The following SNX24 variants were observed in gnomAD, a reference collection of about 807,000 sequenced individuals.
SNX24 encodes the protein sorting nexin 24.
SNX24 carries 22 observed loss-of-function variants against 28.7 expected under a neutral mutation model. That is an observed-to-expected ratio of 0.77 (90% CI 0.55 to 1.10). SNX24 has a LOEUF of 1.10. Ranked by LOEUF, SNX24 falls within the 50% of genes least tolerant of loss-of-function variation. SNX24 has a pLI of 0.00. For synonymous variants in SNX24, 69 were observed against 71.5 expected (o/e 0.96, Z 0.18); for missense variants, 221 against 201.1 (o/e 1.10, Z -0.60).
intron 3 of SNX24, among the ~76,000 whole-genome samples, chr5:122,996,019 G>A (rs567860781): frequency 6.6e-6 from 1 of 152,238 alleles, no homozygotes; most frequent in Admixed American, 6.5e-5. Flanking sequence ...ACTGACTGCT[G>A]CATTTTAGAA....
intron 1 of SNX24, among the ~76,000 whole-genome samples, chr5:122,909,790 G>GC (rs1163869757): frequency 6.6e-6 from 1 of 152,164 alleles, no homozygotes; most frequent in Non-Finnish European, 1.5e-5. Context: ...TGCCCACTCA[G>GC]CCCCAGCTCA....
Position 123,007,904 on chromosome 5 carries a change from CA to C in SNX24, c.*156del, listed in dbSNP as rs1271825733. On this transcript the variant is annotated 3_prime_UTR_variant, in exon 7 of 7. Transcript: ENST00000261369. ...GCTTAATTCAGGGCAGGGACATTTC[CA>C]TTAGAATGGTGCTCTTAAAAATAGA... The C allele has an allele frequency of 4.4e-5, 63 of 1,438,296 alleles. No homozygotes were observed. In the South Asian group the frequency reaches 6.5e-4, roughly 15 times the overall value. The allele number at this position is 1,438,296 out of a possible 1,614,324, so 89.1% of individuals were successfully genotyped here. A position where few individuals can be genotyped will look rare whatever the true frequency, so the allele number is the denominator to read the frequency against.
rs554901525 is a variant in SNX24 at position 123,008,276 on chromosome 5, G to A, written c.*527G>A. The A allele has an allele frequency of 1.0e-6, 1 of 984,478 alleles. No homozygotes were observed. Among genetic ancestry groups the A allele is most frequent in the East Asian group, 1.1e-4 (1 of 8,820 alleles). 61.0% of individuals were successfully genotyped at this position (984,478 alleles called of 1,614,324 possible). ...TAAATGTGAAGATGGAACTAAACTGGAAATTAAATTATACTGACAATATTA... is the reference window on the plus strand; with the variant it reads ...TAAATGTGAAGATGGAACTAAACTGAAAATTAAATTATACTGACAATATTA... On this transcript the variant is annotated 3_prime_UTR_variant, in exon 7 of 7. Coordinates refer to ENST00000261369, the MANE Select transcript of SNX24 (RefSeq NM_014035.4).
chr5:122,988,233 G>A (rs1297983246), intron 3 of SNX24, among the ~76,000 whole-genome samples: 1 of 152,252 alleles, frequency 6.6e-6, no homozygotes, highest in Middle Eastern at 3.4e-3. Context: ...CTGAGCTTCT[G>A]CCCAGCCCCA....
At chr5:122,894,963 C>G (rs986439994) in intron 1 of SNX24, among the ~76,000 whole-genome samples, 5 of 149,062 alleles carry the variant, frequency 3.4e-5, no homozygotes, top group African/African-American at 4.9e-5. Flanking sequence ...TATTGAGCTA[C>G]AAATGCTAAG....
intron 3 of SNX24, among the ~76,000 whole-genome samples, chr5:122,952,638 A>G (rs969468469): frequency 6.6e-6 from 1 of 152,246 alleles, no homozygotes; most frequent in African/African-American, 2.4e-5. Context: ...AAAAAGACCA[A>G]GATGAACTAA....
rs986608034 is a variant in SNX24 at position 122,886,674 on chromosome 5, A to G, written c.60+40981A>G. On this transcript the variant is annotated intron_variant, in intron 1 of 6. Transcript: ENST00000261369. ...GTGAAACCCCATCTCTACTAAAAAT[A>G]CAAAAATTAGCCAGGCGTGGTGGCA... Among the ~76,000 whole-genome samples the G allele has an allele frequency of 1.4e-4, 22 of 152,010 alleles. No homozygotes were observed. In the East Asian group the frequency reaches 4.3e-3, roughly 30 times the overall value.
chr5:122,985,584 G>A (rs1761568649), intron 3 of SNX24, among the ~76,000 whole-genome samples: 1 of 152,190 alleles, frequency 6.6e-6, no homozygotes, highest in Admixed American at 6.5e-5. Flanking sequence ...ACGTTATGAA[G>A]ATATTAGATG....
intron 1 of SNX24, among the ~76,000 whole-genome samples, chr5:122,900,757 A>T (rs532831108): frequency 1.3e-5 from 2 of 152,248 alleles, no homozygotes; most frequent in East Asian, 3.9e-4. Context: ...TGACAGAGTG[A>T]AACTTCAGTC....
downstream of SNX24, among the ~76,000 whole-genome samples, chr5:123,013,296 C>T (rs1762624906): frequency 6.6e-6 from 1 of 152,184 alleles, no homozygotes; most frequent in South Asian, 2.1e-4. Flanking sequence ...TGGCCATTTA[C>T]TAGGAAGGGT....
chr5:122,969,140 G>C (rs1760842040), intron 3 of SNX24, among the ~76,000 whole-genome samples: 1 of 151,934 alleles, frequency 6.6e-6, no homozygotes, highest in Non-Finnish European at 1.5e-5. Context: ...TATTCTTTTT[G>C]TTTATAATTT....
chr5:122,887,011 C>A (rs1756748577), intron 1 of SNX24, among the ~76,000 whole-genome samples: 1 of 152,138 alleles, frequency 6.6e-6, no homozygotes, highest in Middle Eastern at 3.4e-3. Context: ...CATATCCGTA[C>A]TTACTGTTTT....
intron 2 of SNX24, among the ~76,000 whole-genome samples, chr5:122,940,572 T>G (rs1306798025): frequency 6.6e-6 from 1 of 152,104 alleles, no homozygotes; most frequent in Non-Finnish European, 1.5e-5. Context: ...GCTTAAAATT[T>G]ATGTATTATT....
At chr5:122,959,840 T>C (rs1048083256) in intron 3 of SNX24, among the ~76,000 whole-genome samples, 1 of 152,034 alleles carries the variant, frequency 6.6e-6, no homozygotes, top group Non-Finnish European at 1.5e-5. Context: ...GAGGTTTTGA[T>C]AGGCAAAAGA....
intron 1 of SNX24, among the ~76,000 whole-genome samples, chr5:122,867,749 TG>T (rs1755785312): frequency 1.3e-5 from 2 of 152,346 alleles, no homozygotes; most frequent in Admixed American, 1.3e-4. Flanking sequence ...CACCCTTTGG[TG>T]GGCATTCACA....
chr5:123,025,873 T>G, intron 5 of SNX24: 1 of 1,614,138 alleles, frequency 6.2e-7, no homozygotes, highest in Non-Finnish European at 8.5e-7. Flanking sequence ...GAGCCATTGG[T>G]GTCAGGCCCA....
At chr5:122,855,435 G>C (rs446116) in intron 1 of SNX24, among the ~76,000 whole-genome samples, 1 of 151,592 alleles carries the variant, frequency 6.6e-6, no homozygotes, top group African/African-American at 2.4e-5. Flanking sequence ...ACATTTCTCT[G>C]TAGCATGTGA....
chr5:122,979,697 A>G (rs1761314749), intron 3 of SNX24, among the ~76,000 whole-genome samples: 1 of 152,222 alleles, frequency 6.6e-6, no homozygotes, highest in South Asian at 2.1e-4. Context: ...TTTGAAGAAA[A>G]CTAAATAAAA....
intron 4 of SNX24, 42 bp from the exon 5 acceptor site, chr5:123,001,363 A>G (rs575335963): frequency 7.3e-7 from 1 of 1,361,440 alleles, no homozygotes; most frequent in African/African-American, 1.4e-5. Context: ...TTGACTCAAC[A>G]TATGTGGTTT....
Sources: gnomAD v4.1 joint callset for allele counts (sites outside exome capture counted in the v4.1 genomes callset) on GRCh38, gnomAD v4.1.1 for gene constraint, MANE v1.5 for transcripts, NCBI Gene and HGNC (gene_info 2026-07-23, HGNC 2026-07-21) for gene names.